The following SLTM variants were observed in gnomAD, a reference collection of about 807,000 sequenced individuals.
The protein encoded by SLTM is SAFB like transcription modulator.
SLTM carries 43 observed loss-of-function variants against 134.6 expected under a neutral mutation model. That is an observed-to-expected ratio of 0.32 (90% CI 0.25 to 0.41). The LOEUF (loss-of-function observed/expected upper bound fraction) is 0.41. Ranked by LOEUF, SLTM falls within the 10% of genes least tolerant of loss-of-function variation. The pLI is 1.00. For synonymous variants in SLTM, 424 were observed against 432.3 expected, an observed-to-expected ratio of 0.98 and a Z score of 0.24; for missense variants, 1,055 against 1,288.8, an observed-to-expected ratio of 0.82 and a Z score of 2.78.
chr15:58,907,457 AC>A (rs1214924988), intron 5 of SLTM, among the ~76,000 whole-genome samples: 1 of 152,144 alleles, frequency 6.6e-6, no homozygotes, highest in Non-Finnish European at 1.5e-5. Context: ...CCCCATCTCT[AC>A]AAAAAATACA....
At chr15:58,921,110 A>G (rs1294172258) in intron 2 of SLTM, among the ~76,000 whole-genome samples, 2 of 152,224 alleles carry the variant, frequency 1.3e-5, no homozygotes, top group Non-Finnish European at 2.9e-5. Flanking sequence ...TCAGCAACAA[A>G]AACAGCAGTC....
intron 5 of SLTM, among the ~76,000 whole-genome samples, chr15:58,906,090 C>T (rs1205913161): frequency 6.6e-6 from 1 of 152,092 alleles, no homozygotes; most frequent in East Asian, 1.9e-4. Context: ...ACCATAAGTC[C>T]TAAATAAGAA....
At position 58,899,481 on chromosome 15, in the gene SLTM, C is replaced by A; in HGVS notation, c.1046G>T (p.Gly349Val). ...KKGPSSTGAS[G>V]QAKSSSKESK... The stretch of plus-strand genomic sequence containing the variant: ...TAGAAAAACAAACCTCTTTGCTTGA[C>A]CAGAGGCCCCAGTAGACGAGGGCCC... The change falls in exon 7 of 21, where the codon GGT becomes GTT. Residue 349 changes from glycine to valine, a missense_variant. This residue lies in a region of SLTM where 776 missense variants were observed against 962.2 expected (regional missense o/e 0.81). Coordinates refer to ENST00000380516, the MANE Select transcript of SLTM (RefSeq NM_024755.4). The surrounding 1 kb of genome is among the most constrained non-coding windows in gnomAD (Gnocchi z 5.0). The A allele has an allele frequency of 6.2e-7, 1 of 1,613,812 alleles. No homozygotes were observed. The highest frequency in any genetic ancestry group is 1.1e-5 in the South Asian group (1 of 91,076).
Position 58,898,873 on chromosome 15 carries a change from A to G in SLTM, c.1059-21T>C, listed in dbSNP as rs539916441. The G allele has an allele frequency of 3.1e-6, 5 of 1,596,998 alleles. No homozygotes were observed. In the South Asian group the frequency reaches 5.7e-5, roughly 18 times the overall value. ...AAGAGCTAAAGAGGCAAATCACCAG[A>G]AGAAAATTGAAAACAAAAACAAAAA... On this transcript the variant is annotated intron_variant, in intron 7 of 20. Coordinates refer to ENST00000380516, the MANE Select transcript of SLTM (RefSeq NM_024755.4).
rs746368025 is a variant in SLTM, at chr15:58,899,934, A to G, written c.593T>C (p.Ile198Thr). Reference protein sequence around the residue: ...DGEEEENEKDIAGSGDGTQEV... With the variant: ...DGEEEENEKDTAGSGDGTQEV... The stretch of plus-strand genomic sequence containing the variant: ...TTGTGTACCATCACCAGAACCTGCT[A>G]TATCTAAGAGGATTTAACAGGAATA... The change falls in exon 7 of 21, where the codon ATA becomes ACA. Residue 198 changes from isoleucine (I) to threonine (T), a missense_variant. By Grantham distance (89) the Ile-to-Thr change is moderately conservative. Transcript: ENST00000380516. This position sits in a 1 kb window ranked among gnomAD's most constrained non-coding sequence, Gnocchi z 5.0. 6.2e-7 allele frequency: 1 copy of G among 1,608,422 alleles called. No individual in the cohort carries two copies. The highest frequency in any genetic ancestry group is 8.5e-7 in the Non-Finnish European group (1 of 1,176,262).
In SLTM at chr15:58,896,023, CTA is replaced by C. The variant is rs2035051702; in HGVS notation, c.1227+1090_1227+1091del. Among the ~76,000 whole-genome samples the C allele has an allele frequency of 3.3e-5, 5 of 152,310 alleles. No homozygotes were observed. The South Asian group carries it at 1.0e-3, about 32-fold the overall frequency. The stretch of plus-strand genomic sequence containing the variant: ...AAAAGCTTACACTGGAGTACATTAA[CTA>C]TTTGATGTATATGAAAAACTATAAT... On this transcript the variant is annotated intron_variant, in intron 9 of 20. Transcript: ENST00000380516.
intron 10 of SLTM, 69 bp from the exon 11 acceptor site, chr15:58,894,262 T>C: frequency 7.0e-7 from 1 of 1,428,122 alleles, no homozygotes; most frequent in Non-Finnish European, 9.6e-7. Flanking sequence ...AGAAGTGTGC[T>C]AATGGCAGAA....
At position 58,903,295 on chromosome 15, in the gene SLTM, A is replaced by C. The variant is rs1324220197; in HGVS notation, c.562-2008T>G. Among the ~76,000 whole-genome samples the C allele has an allele frequency of 3.3e-5, 5 of 152,126 alleles. 1 individual carries two copies. The highest frequency in any genetic ancestry group is 2.6e-4 in the Admixed American group (4 of 15,264). On this transcript the variant is annotated intron_variant, in intron 5 of 20. Coordinates refer to ENST00000380516, the MANE Select transcript of SLTM (RefSeq NM_024755.4). ...GGTGATCCACCCACCTCGGCCTCCC[A>C]AAGTGCTGGGATTACAGGCATGGGC...
At chr15:58,930,409 C>T (rs1378175058) in intron 2 of SLTM, among the ~76,000 whole-genome samples, 4 of 151,554 alleles carry the variant, frequency 2.6e-5, no homozygotes, top group Middle Eastern at 3.4e-3. Context: ...GGATTACAGG[C>T]GTGAGCCACT....
intron 2 of SLTM, among the ~76,000 whole-genome samples, chr15:58,928,408 CAAAG>C (rs1329330779): frequency 6.6e-6 from 1 of 152,068 alleles, no homozygotes; most frequent in Non-Finnish European, 1.5e-5. Flanking sequence ...AAGTTCATAA[CAAAG>C]AGAGTGTGAA....
At chr15:58,890,054 A>G (rs1469596953) in intron 15 of SLTM, 2 of 561,904 alleles carry the variant, frequency 3.6e-6, no homozygotes, top group Non-Finnish European at 6.3e-6. Flanking sequence ...TTAGGCTGCC[A>G]TGATATTGCA....
chr15:58,897,914 A>G (rs2035210949), intron 8 of SLTM: 1 of 152,162 alleles, frequency 6.6e-6, no homozygotes, highest in Admixed American at 6.5e-5. Flanking sequence ...TATAGAGGCC[A>G]TATCTTAGGA....
At chr15:58,921,676 A>G in intron 2 of SLTM, 1 of 300,988 alleles carries the variant, frequency 3.3e-6, no homozygotes, top group Non-Finnish European at 7.1e-6. Context: ...ATGAAATCTC[A>G]CATTAGCTTT....
chr15:58,932,929 A>C (rs969007522), intron 1 of SLTM, among the ~76,000 whole-genome samples: 16 of 152,142 alleles, frequency 1.1e-4, no homozygotes, highest in Non-Finnish European at 1.9e-4. Flanking sequence ...CCACCCATCA[A>C]CTCCCACTAC....
chr15:58,933,255 C>T (rs1041202404), intron 1 of SLTM, 149 bp downstream of exon 1: 5 of 767,444 alleles, frequency 6.5e-6, no homozygotes, highest in East Asian at 3.6e-5. Context: ...CCGTCCTCCA[C>T]GCTCGCGGGA....
chr15:58,907,046 C>T (rs1325870297), intron 5 of SLTM, among the ~76,000 whole-genome samples: 2 of 152,048 alleles, frequency 1.3e-5, no homozygotes, highest in South Asian at 2.1e-4. Context: ...ATGGAGTTCA[C>T]ATGTGAACCA....
Position 58,879,759 on chromosome 15 carries a change from T to C in SLTM, c.*240A>G, listed in dbSNP as rs1426425439. On this transcript the variant is annotated 3_prime_UTR_variant, in exon 21 of 21. Coordinates refer to ENST00000380516, the MANE Select transcript of SLTM (RefSeq NM_024755.4). ...AACAAAACGACTTCAATTCCATCTT[T>C]TCAAATGTGCCTCGGTGCTGCAAGA... 1 of 404,748 alleles carries C rather than the reference T, an allele frequency of 2.5e-6. No homozygotes were observed. Among genetic ancestry groups the C allele is most frequent in the East Asian group, 4.6e-5 (1 of 21,798 alleles). The allele number at this position is 404,748 out of a possible 1,614,324, so 25.1% of individuals were successfully genotyped here.
chr15:58,923,335 G>A (rs774753656), intron 2 of SLTM, among the ~76,000 whole-genome samples: 3 of 152,132 alleles, frequency 2.0e-5, no homozygotes, highest in Non-Finnish European at 2.9e-5. Context: ...TTCAATCTGG[G>A]TGACAGAGTG....
chr15:58,880,768 G>A (rs183191815), intron 20 of SLTM, among the ~76,000 whole-genome samples: 7 of 152,016 alleles, frequency 4.6e-5, no homozygotes, highest in Admixed American at 3.3e-4. Context: ...GTTGCGCCAT[G>A]TTGGCCAGGC....
Sources: gnomAD v4.1 joint callset for allele counts (sites outside exome capture counted in the v4.1 genomes callset) on GRCh38, gnomAD v4.1.1 for gene constraint, gnomAD v4.1.1 regional missense constraint, Gnocchi (gnomAD v3.1) non-coding constraint, MANE v1.5 for transcripts, NCBI Gene and HGNC (gene_info 2026-07-23, HGNC 2026-07-21) for gene names.